The following KLHL5 variants were observed in gnomAD, a reference collection of about 807,000 sequenced individuals.
The protein encoded by KLHL5 is kelch like family member 5, also known as kelch-like protein 5.
KLHL5 carries 48 observed loss-of-function variants against 77.7 expected under a neutral mutation model. The ratio of observed to expected loss-of-function variants is 0.62; its 90% CI spans 0.49 to 0.79. The LOEUF is 0.79. KLHL5 is among the 30% of genes least tolerant of loss of function. The pLI is 0.00. For synonymous variants in KLHL5, 260 were observed against 297.0 expected, an observed-to-expected ratio of 0.88 and a Z score of 1.28; for missense variants, 723 against 859.7, an observed-to-expected ratio of 0.84 and a Z score of 1.99.
In KLHL5 at chr4:39,062,620, C is replaced by A. The variant is rs140053546; in HGVS notation, c.-33C>A. 17,738 of 1,613,982 alleles carry A rather than the reference C, an allele frequency of 0.011. 108 individuals carry two copies. Among genetic ancestry groups the A allele is most frequent in the Non-Finnish European group, 0.013 (15,859 of 1,179,984 alleles). ...AAATCTGTGTGCAGTGCTTTTTGCC[C>A]GTTGCCTAGACGATCACTTGGTTTC... On this transcript the variant is annotated 5_prime_UTR_variant, in exon 1 of 11. Coordinates refer to ENST00000504108, the MANE Select transcript of KLHL5 (RefSeq NM_015990.5).
At position 39,103,378 on chromosome 4, in the gene KLHL5, A is replaced by G. The variant is rs977159701; in HGVS notation, c.1392A>G (p.Ala464=). Residue 464 remains alanine, a synonymous_variant, in exon 7 of 11, where the codon GCA becomes GCG. Coordinates refer to ENST00000504108, the MANE Select transcript of KLHL5 (RefSeq NM_015990.5). The part of the protein sequence containing the change: ...MNGRRLQFGV[A]VLDDKLYVVG... ...GGAGGAGGCTACAGTTCGGTGTTGCAGTGCTAGATGACAAACTGTATGTGG... is the reference window on the plus strand; with the variant it reads ...GGAGGAGGCTACAGTTCGGTGTTGCGGTGCTAGATGACAAACTGTATGTGG... The G allele has an allele frequency of 6.2e-7, 1 of 1,614,174 alleles. No homozygotes were observed. The highest frequency in any genetic ancestry group is 8.5e-7 in the Non-Finnish European group (1 of 1,180,004).
rs919475907 is a variant in KLHL5 at position 39,113,100 on chromosome 4, C to T, written c.1769C>T (p.Thr590Ile). The T allele has an allele frequency of 6.2e-7, 1 of 1,614,040 alleles. No homozygotes were observed. The highest frequency in any genetic ancestry group is 8.5e-7 in the Non-Finnish European group (1 of 1,179,972). Residue 590 changes from threonine (T) to isoleucine (I), a missense_variant, in exon 9 of 11, where the codon ACA becomes ATA. Physicochemically the swap from Thr to Ile is moderately conservative, Grantham distance 89. Around this residue, in one of 3 missense-constraint regions of KLHL5, gnomAD observed 214 missense variants for 237.4 expected, o/e 0.90. Coordinates refer to ENST00000504108, the MANE Select transcript of KLHL5 (RefSeq NM_015990.5). ...ECFDPHTNKW[T>I]LCAQMSKRRG... The stretch of plus-strand genomic sequence containing the variant: ...TTTGATCCTCATACTAATAAGTGGA[C>T]ACTGTGTGCACAGATGTCAAAAAGG...
At chr4:39,076,472 A>G (rs1719052677) in intron 2 of KLHL5, among the ~76,000 whole-genome samples, 1 of 152,184 alleles carries the variant, frequency 6.6e-6, no homozygotes, top group African/African-American at 2.4e-5. Flanking sequence ...TGGCAATTAA[A>G]GTTTGTGGAT....
At chr4:39,052,281 C>T (rs1032973448) in intron 1 of KLHL5, among the ~76,000 whole-genome samples, 31 of 152,050 alleles carry the variant, frequency 2.0e-4, no homozygotes, top group African/African-American at 7.2e-4. Flanking sequence ...CTACCACGCC[C>T]AGCTAATTTT....
At position 39,107,612 on chromosome 4, in the gene KLHL5, T is replaced by C. The variant is rs752611697; in HGVS notation, c.1569T>C (p.His523=). ...GTCCCATGTATGCCGTAGGAGGACA[T>C]GATGGCTGGAGCTATCTGAACACAG... The part of the protein sequence containing the change: ...LEGPMYAVGG[H]DGWSYLNTVE... The change falls in exon 8 of 11, where the codon CAT becomes CAC. Residue 523 remains histidine, a synonymous_variant. Coordinates refer to ENST00000504108, the MANE Select transcript of KLHL5 (RefSeq NM_015990.5). The C allele has an allele frequency of 6.2e-7, 1 of 1,612,580 alleles. No homozygotes were observed.
At chr4:39,131,450 T>C (rs1338832439), downstream of KLHL5, among the ~76,000 whole-genome samples, 1 of 152,148 alleles carries the variant, frequency 6.6e-6, no homozygotes, top group Non-Finnish European at 1.5e-5. Flanking sequence ...TCAGCAGACA[T>C]TGGTTTCTGG....
At chr4:39,112,913 A>T in intron 8 of KLHL5, 107 bp from the exon 9 acceptor site, 1 of 939,086 alleles carries the variant, frequency 1.1e-6, no homozygotes, top group Non-Finnish European at 1.6e-6. Context: ...TGTGTTTTAT[A>T]ACTGATGGCA....
chr4:39,044,858 C>A (rs1716020638), upstream of KLHL5: 1 of 771,030 alleles, frequency 1.3e-6, no homozygotes, highest in African/African-American at 1.9e-5. Context: ...TACTCGCCCG[C>A]CCCCTCCGGG....
At chr4:39,112,823 G>A (rs1312464894) in intron 8 of KLHL5, 197 bp from the exon 9 acceptor site, 5 of 552,052 alleles carry the variant, frequency 9.1e-6, no homozygotes, top group Non-Finnish European at 1.6e-5. Flanking sequence ...TCCTTTTCAT[G>A]TATATACAGA....
At chr4:39,102,346 A>G (rs1314173794) in intron 6 of KLHL5, among the ~76,000 whole-genome samples, 1 of 150,420 alleles carries the variant, frequency 6.6e-6, no homozygotes, top group Non-Finnish European at 1.5e-5. Flanking sequence ...ATCTTAACTC[A>G]TAAAGAGAAC....
chr4:39,083,079 A>G (rs921698791), intron 4 of KLHL5, among the ~76,000 whole-genome samples: 1 of 152,292 alleles, frequency 6.6e-6, no homozygotes, highest in African/African-American at 2.4e-5. Context: ...AACATTTAAG[A>G]AATGTTATTT....
chr4:39,103,501 A>G lies in KLHL5; in HGVS notation c.1515A>G (p.Arg505=), dbSNP rs1219957412. ...TGATGCCACCTATGTCCACACATAGACATGGCCTTGGTAAGTACAACTATG... is the reference window on the plus strand; with the variant it reads ...TGATGCCACCTATGTCCACACATAGGCATGGCCTTGGTAAGTACAACTATG... The part of the protein sequence containing the change: ...WSVMPPMSTH[R]HGLGVAVLEG... Residue 505 remains arginine, a synonymous_variant, in exon 7 of 11, where the codon AGA becomes AGG. Coordinates refer to ENST00000504108, the MANE Select transcript of KLHL5 (RefSeq NM_015990.5). 1 of 1,613,100 alleles carries G rather than the reference A, an allele frequency of 6.2e-7. No individual in the cohort carries two copies. The highest frequency in any genetic ancestry group is 1.1e-5 in the South Asian group (1 of 91,070).
chr4:39,131,620 G>C (rs1723803816), downstream of KLHL5, among the ~76,000 whole-genome samples: 1 of 152,230 alleles, frequency 6.6e-6, no homozygotes, highest in African/African-American at 2.4e-5. Flanking sequence ...ACCAGGTGCA[G>C]TGGTTCATGC....
chr4:39,057,856 A>G (rs976983149), upstream of KLHL5, among the ~76,000 whole-genome samples: 55 of 152,342 alleles, frequency 3.6e-4, no homozygotes, highest in African/African-American at 1.3e-3. Context: ...TATGATTACT[A>G]ATATAAACTA....
At chr4:39,084,228 TG>T (rs1010093856) in intron 4 of KLHL5, among the ~76,000 whole-genome samples, 1 of 152,158 alleles carries the variant, frequency 6.6e-6, no homozygotes, top group Non-Finnish European at 1.5e-5. Flanking sequence ...GTGCGTGGAC[TG>T]GGGATGTTCA....
intron 1 of KLHL5, among the ~76,000 whole-genome samples, chr4:39,056,060 T>C (rs1469520988): frequency 1.1e-4 from 16 of 152,242 alleles, no homozygotes; most frequent in Admixed American, 1.0e-3. Context: ...GACTGCTTAG[T>C]TTTCAGTCTA....
intron 5 of KLHL5, among the ~76,000 whole-genome samples, chr4:39,095,820 G>C (rs1302817944): frequency 2.6e-5 from 4 of 151,422 alleles, no homozygotes; most frequent in Non-Finnish European, 5.9e-5. Context: ...ATGCAGCAAA[G>C]TATATAATAA....
chr4:39,046,685 T>C (rs1716219370), intron 1 of KLHL5, among the ~76,000 whole-genome samples: 1 of 152,154 alleles, frequency 6.6e-6, no homozygotes, highest in South Asian at 2.1e-4. Context: ...TAATGAGGCC[T>C]GAGAGGCGTA....
At chr4:39,047,996 G>T (rs1323011959) in intron 1 of KLHL5, among the ~76,000 whole-genome samples, 2 of 152,162 alleles carry the variant, frequency 1.3e-5, no homozygotes, top group African/African-American at 4.8e-5. Flanking sequence ...AGAATGATGA[G>T]AGCACATAAA....
Sources: gnomAD v4.1 joint callset for allele counts (sites outside exome capture counted in the v4.1 genomes callset) on GRCh38, gnomAD v4.1.1 for gene constraint, gnomAD v4.1.1 regional missense constraint, MANE v1.5 for transcripts, NCBI Gene and HGNC (gene_info 2026-07-23, HGNC 2026-07-21) for gene names.